Variants in PTPRD observed in about 807,000 individuals in gnomAD.
PTPRD encodes the protein receptor-type tyrosine-protein phosphatase delta.
Under a neutral mutation model 214.5 loss-of-function variants are expected in PTPRD, and 34 were observed. The observed-to-expected ratio is 0.16, with a 90% confidence interval of 0.12 to 0.21. The LOEUF (loss-of-function observed/expected upper bound fraction) is 0.21. Ranked by LOEUF, PTPRD falls within the 10% of genes least tolerant of loss-of-function variation. PTPRD has a pLI of 1.00. For missense variants in PTPRD, 2,545 were observed against 2,398.7 expected (o/e 1.06, Z -1.27); for synonymous variants, 1,128 against 845.7 (o/e 1.33, Z -5.79).
At chr9:9,354,762 T>C (rs2053048013) in intron 9 of PTPRD, among the ~76,000 whole-genome samples, 1 of 151,874 alleles carries the variant, frequency 6.6e-6, no homozygotes, top group Middle Eastern at 3.4e-3. Flanking sequence ...TAGCATGAAG[T>C]GGGGTACCAT....
intron 5 of PTPRD, among the ~76,000 whole-genome samples, chr9:9,888,870 C>A (rs2072052168): frequency 6.6e-6 from 1 of 152,056 alleles, no homozygotes; most frequent in African/African-American, 2.4e-5. Context: ...GAGCCAGCAC[C>A]AAATGTTAGA....
intron 5 of PTPRD, among the ~76,000 whole-genome samples, chr9:9,892,936 G>A (rs1461228041): frequency 6.6e-6 from 1 of 152,034 alleles, no homozygotes; most frequent in Non-Finnish European, 1.5e-5. Context: ...GATTCATTAT[G>A]GCGTATGTTG....
At chr9:10,284,730 T>G (rs889837423) in intron 3 of PTPRD, among the ~76,000 whole-genome samples, 2 of 152,152 alleles carry the variant, frequency 1.3e-5, no homozygotes, top group Non-Finnish European at 2.9e-5. Flanking sequence ...CAGGATTCAT[T>G]TCCTTGCAGT....
chr9:9,425,552 T>C (rs1043394780), intron 8 of PTPRD, among the ~76,000 whole-genome samples: 1 of 136,954 alleles, frequency 7.3e-6, no homozygotes, highest in African/African-American at 2.7e-5. Flanking sequence ...TGCAGCCTCC[T>C]AACATATACA....
chr9:9,854,926 TG>T (rs1296712532), intron 5 of PTPRD, among the ~76,000 whole-genome samples: 1 of 152,218 alleles, frequency 6.6e-6, no homozygotes, highest in Non-Finnish European at 1.5e-5. Context: ...TTGAGGAATT[TG>T]GGATACTTTT....
intron 12 of PTPRD, among the ~76,000 whole-genome samples, chr9:8,653,887 G>C (rs547779916): frequency 6.6e-6 from 1 of 151,864 alleles, no homozygotes; most frequent in Non-Finnish European, 1.5e-5. Context: ...CCACCTCTTC[G>C]CCATGCCCTA....
At chr9:9,180,397 T>G (rs1174007357) in intron 10 of PTPRD, among the ~76,000 whole-genome samples, 1 of 133,100 alleles carries the variant, frequency 7.5e-6, no homozygotes, top group East Asian at 2.3e-4. Flanking sequence ...AACTGAACAA[T>G]GAGAACACAT....
intron 2 of PTPRD, among the ~76,000 whole-genome samples, chr9:10,588,460 A>ACACACACACTC (rs367746943): frequency 4.6e-5 from 7 of 151,588 alleles, no homozygotes; most frequent in Non-Finnish European, 1.0e-4. Flanking sequence ...ACACACTCAC[A>ACACACACACTC]ATGATAGTTA....
At chr9:9,947,358 A>ATATAT (rs1300667877) in intron 4 of PTPRD, among the ~76,000 whole-genome samples, 1 of 56,444 alleles carries the variant, frequency 1.8e-5, no homozygotes, top group African/African-American at 1.2e-4. Flanking sequence ...TATATATTAT[A>ATATAT]TATATTATAT....
intron 14 of PTPRD, among the ~76,000 whole-genome samples, chr9:8,561,026 T>A (rs1277777669): frequency 6.6e-6 from 1 of 151,812 alleles, no homozygotes; most frequent in Non-Finnish European, 1.5e-5. Context: ...AAACTCCACC[T>A]CCAAACTGAA....
At chr9:9,542,735 G>C (rs1270365114) in intron 8 of PTPRD, among the ~76,000 whole-genome samples, 4 of 151,638 alleles carry the variant, frequency 2.6e-5, no homozygotes, top group African/African-American at 9.7e-5. Flanking sequence ...AGTCATTACA[G>C]AGATGCAAAT....
chr9:10,426,159 C>A (rs966485167), intron 2 of PTPRD, among the ~76,000 whole-genome samples: 1 of 151,906 alleles, frequency 6.6e-6, no homozygotes, highest in Non-Finnish European at 1.5e-5. Context: ...GTGAATATTG[C>A]TTTTCCTATT....
chr9:9,363,637 T>A (rs1354315906), intron 9 of PTPRD, among the ~76,000 whole-genome samples: 6 of 151,242 alleles, frequency 4.0e-5, no homozygotes, highest in African/African-American at 1.2e-4. Context: ...TCTAGCTAAG[T>A]GGAAGTGGTC....
chr9:9,681,467 A>C (rs2154397586), intron 7 of PTPRD, among the ~76,000 whole-genome samples: 1 of 151,868 alleles, frequency 6.6e-6, no homozygotes, highest in South Asian at 2.1e-4. Context: ...GTAGCATCAA[A>C]ACAAATGTTA....
chr9:9,229,847 A>T (rs1481042739), intron 9 of PTPRD, among the ~76,000 whole-genome samples: 1 of 152,172 alleles, frequency 6.6e-6, no homozygotes, highest in East Asian at 1.9e-4. Flanking sequence ...GATACTTCAT[A>T]TTTGGTTAGG....
chr9:9,412,554 G>A (rs563652112), intron 8 of PTPRD, among the ~76,000 whole-genome samples: 1 of 152,076 alleles, frequency 6.6e-6, no homozygotes, highest in Non-Finnish European at 1.5e-5. Context: ...CCCAGCCTCA[G>A]GCCACTCTCC....
In PTPRD at chr9:9,204,503, G is replaced by A. The variant is rs533470149; in HGVS notation, c.-202-21140C>T. Reference sequence around the variant, plus strand: ...AGTTTCCTAGCCTCTAAGCATTACCGGGTTCTCAACTTTTAAAGGAACACT... The same window carrying A: ...AGTTTCCTAGCCTCTAAGCATTACCAGGTTCTCAACTTTTAAAGGAACACT... On this transcript the variant is annotated intron_variant, in intron 9 of 45. Coordinates refer to ENST00000381196, the MANE Select transcript of PTPRD (RefSeq NM_002839.4). Among the ~76,000 whole-genome samples the A allele has an allele frequency of 2.8e-4, 42 of 152,108 alleles. 1 individual carries two copies. The highest frequency in any genetic ancestry group is 9.4e-4 in the African/African-American group (39 of 41,482).
intron 10 of PTPRD, among the ~76,000 whole-genome samples, chr9:9,178,347 T>C (rs1206811149): frequency 2.0e-5 from 3 of 152,058 alleles, no homozygotes; most frequent in Non-Finnish European, 4.4e-5. Context: ...TTTCTCTCTC[T>C]TTTTCCTCAC....
chr9:9,537,998 C>T (rs930462133), intron 8 of PTPRD, among the ~76,000 whole-genome samples: 1 of 151,778 alleles, frequency 6.6e-6, no homozygotes, highest in Non-Finnish European at 1.5e-5. Flanking sequence ...ATCTCCCCTA[C>T]TACTTTTGGG....
Sources: allele counts gnomAD v4.1 joint callset (sites outside exome capture counted in the v4.1 genomes callset), GRCh38; gene constraint gnomAD v4.1.1; transcripts MANE v1.5; gene names NCBI Gene and HGNC (gene_info 2026-07-23, HGNC 2026-07-21).